TENM4: variants seen among roughly 807,000 people sequenced by gnomAD.
TENM4 encodes teneurin-4.
Under a neutral mutation model 243.3 loss-of-function variants are expected in TENM4, and 82 were observed. The ratio of observed to expected loss-of-function variants is 0.34; its 90% CI spans 0.28 to 0.40. The LOEUF is 0.40. Among genes scored for constraint, TENM4 ranks in the 10% least tolerant of loss-of-function variants. The probability of loss-of-function intolerance (pLI) is 1.00; values close to 1 mark genes in which losing one functional copy is unlikely to be tolerated. For synonymous variants in TENM4, 1,412 were observed against 1,456.3 expected (o/e 0.97, Z 0.69); for missense variants, 3,138 against 3,673.3 (o/e 0.85, Z 3.77).
rs1016708053 is a variant in TENM4, at chr11:78,891,279, G to C, written c.807C>G (p.Asp269Glu). Reference sequence around the variant, plus strand: ...CATCATGGCGGGAGGCGCCGAGAATGTCCATCTCAATGAGGTTGTCCTGCA... The same window carrying C: ...CATCATGGCGGGAGGCGCCGAGAATCTCCATCTCAATGAGGTTGTCCTGCA... ...GTLQDNLIEMDILGASRHDGA... is the reference protein window; with the variant it reads ...GTLQDNLIEMEILGASRHDGA... The change falls in exon 8 of 34, where the codon GAC (aspartate) becomes GAG (glutamate). Residue 269 changes from aspartate (D) to glutamate (E), a missense_variant. Physicochemically the swap from Asp to Glu is conservative, Grantham distance 45. Coordinates refer to ENST00000278550, the MANE Select transcript of TENM4 (RefSeq NM_001098816.3). The C allele has an allele frequency of 3.2e-6, 5 of 1,551,728 alleles. No homozygotes were observed. The Admixed American group carries it at 9.8e-5, about 30-fold the overall frequency.
At position 78,787,071 on chromosome 11, in the gene TENM4, G is replaced by A; in HGVS notation, c.2192C>T (p.Ala731Val). Residue 731 changes from alanine (A) to valine (V), a missense_variant, in exon 16 of 34, where the codon GCC becomes GTC. Ala to Val is a moderately conservative substitution (Grantham distance 64, BLOSUM62 0). Around this residue, in one of 2 missense-constraint regions of TENM4, gnomAD observed 2,467 missense variants for 3,059.1 expected, o/e 0.81. Transcript: ENST00000278550. ...GCACACGCCATGGCCACCACAGTCG[G>A]CAGCACAGATCTCTGTGGGGAGGAG... is the stretch of plus-strand genomic sequence containing the variant. ...GHDCSIEICA[A>V]DCGGHGVCVG... 6.5e-7 allele frequency: 1 copy of A among 1,546,936 alleles called. No homozygotes were observed. Among genetic ancestry groups the A allele is most frequent in the Non-Finnish European group, 8.7e-7 (1 of 1,144,214 alleles).
intron 3 of TENM4, among the ~76,000 whole-genome samples, chr11:79,199,117 A>G (rs1215312360): frequency 6.6e-6 from 1 of 152,244 alleles, no homozygotes; most frequent in African/African-American, 2.4e-5. Flanking sequence ...TCATTATACA[A>G]ATACTCGTGG....
intron 3 of TENM4, among the ~76,000 whole-genome samples, chr11:79,174,800 TCTC>T (rs1863125197): frequency 6.6e-6 from 1 of 152,200 alleles, no homozygotes; most frequent in East Asian, 1.9e-4. Flanking sequence ...TGCAGGAACT[TCTC>T]CTTCACCTTG....
intron 22 of TENM4, among the ~76,000 whole-genome samples, chr11:78,727,316 G>T (rs576382896): frequency 4.0e-5 from 6 of 151,888 alleles, no homozygotes; most frequent in Non-Finnish European, 8.8e-5. Context: ...GTGTGGTGGT[G>T]GGCGCCTGTA....
chr11:78,661,648 C>G, intron 32 of TENM4, 57 bp from the exon 33 acceptor site: 1 of 1,586,716 alleles, frequency 6.3e-7, no homozygotes, highest in African/African-American at 1.3e-5. Flanking sequence ...CATTTGCAAC[C>G]CATCCCCATC....
At chr11:79,044,143 A>G (rs562988599) in intron 6 of TENM4, among the ~76,000 whole-genome samples, 3 of 152,194 alleles carry the variant, frequency 2.0e-5, no homozygotes, top group Non-Finnish European at 4.4e-5. Context: ...GACCAAATAT[A>G]TGTTTACATG....
intron 18 of TENM4, among the ~76,000 whole-genome samples, chr11:78,764,340 G>A (rs1297112750): frequency 6.6e-6 from 1 of 152,112 alleles, no homozygotes; most frequent in Admixed American, 6.6e-5. Flanking sequence ...TCTGTACATC[G>A]AGCTGTTAGG....
At chr11:78,685,988 C>T (rs920769985) in intron 29 of TENM4, among the ~76,000 whole-genome samples, 1 of 152,176 alleles carries the variant, frequency 6.6e-6, no homozygotes, top group Non-Finnish European at 1.5e-5. Context: ...AGAAGCAGGC[C>T]TTAGGAAACA....
chr11:78,931,231 G>C lies in TENM4; in HGVS notation c.494-27708C>G, dbSNP rs1565131455. On this transcript the variant is annotated intron_variant, in intron 6 of 33. Transcript: ENST00000278550. The stretch of plus-strand genomic sequence containing the variant: ...CACGATTTCCCCATGTGCCTTGCAA[G>C]GTTTCTCTCTATCTCTCTTTCTTTA... 2.6e-5 allele frequency among the ~76,000 whole-genome samples: 4 copies of C among 152,222 alleles called. No individual in the cohort carries two copies. The South Asian group carries it at 8.3e-4, about 32-fold the overall frequency.
At chr11:78,929,809 CT>C (rs1160624771) in intron 6 of TENM4, among the ~76,000 whole-genome samples, 2 of 152,072 alleles carry the variant, frequency 1.3e-5, no homozygotes, top group African/African-American at 4.8e-5. Context: ...CAAAATGTGC[CT>C]TTTTTAGCCA....
At chr11:79,422,589 A>G (rs1342645673) in intron 1 of TENM4, among the ~76,000 whole-genome samples, 1 of 152,084 alleles carries the variant, frequency 6.6e-6, no homozygotes, top group Non-Finnish European at 1.5e-5. Context: ...AACTCCCTCC[A>G]CCCCAAGAGA....
intron 1 of TENM4, among the ~76,000 whole-genome samples, chr11:79,320,447 A>T (rs950526934): frequency 3.3e-5 from 5 of 152,156 alleles, no homozygotes; most frequent in African/African-American, 9.7e-5. Context: ...GACGTTGTAA[A>T]TTTTTTACAT....
At chr11:79,006,503 A>T (rs1056757050) in intron 6 of TENM4, among the ~76,000 whole-genome samples, 1 of 152,326 alleles carries the variant, frequency 6.6e-6, no homozygotes, top group Middle Eastern at 3.4e-3. Context: ...GCATTTTAAT[A>T]TCTGATTCCT....
At chr11:78,949,132 C>T (rs1278890288) in intron 6 of TENM4, among the ~76,000 whole-genome samples, 1 of 152,218 alleles carries the variant, frequency 6.6e-6, no homozygotes, top group Admixed American at 6.5e-5. Context: ...GCCAGCTCCC[C>T]TCCCATCTAT....
chr11:78,868,235 CTA>C lies in TENM4; in HGVS notation c.1085-5105_1085-5104del, dbSNP rs570743128. Among the ~76,000 whole-genome samples the C allele has an allele frequency of 8.0e-4, 122 of 152,286 alleles. 1 individual carries two copies. The highest frequency in any genetic ancestry group is 2.7e-3 in the African/African-American group (113 of 41,554). On this transcript the variant is annotated intron_variant, in intron 9 of 33. Coordinates refer to ENST00000278550, the MANE Select transcript of TENM4 (RefSeq NM_001098816.3). Reference sequence around the variant, plus strand: ...CATCTGTGTTACGTCACAGGATTCTCTATATGATACTCTGCAGTGTGTATTTA... The same window carrying C: ...CATCTGTGTTACGTCACAGGATTCTCTATGATACTCTGCAGTGTGTATTTA...
In TENM4 at chr11:78,976,667, C is replaced by T. The variant is rs117828656; in HGVS notation, c.494-73144G>A. ...TGTCACTCCAAGAAATCTTGAAAAT[C>T]GAGGAAGGCAGCTGGGGGAGAGTGG... On this transcript the variant is annotated intron_variant, in intron 6 of 33. Coordinates refer to ENST00000278550, the MANE Select transcript of TENM4 (RefSeq NM_001098816.3). Among the ~76,000 whole-genome samples, 24 of 152,192 alleles carry T rather than the reference C, an allele frequency of 1.6e-4. No individual in the cohort carries two copies. In the East Asian group the frequency reaches 2.7e-3, roughly 17 times the overall value.
chr11:79,280,807 C>T (rs1363104941), intron 2 of TENM4, among the ~76,000 whole-genome samples: 1 of 152,212 alleles, frequency 6.6e-6, no homozygotes, highest in Non-Finnish European at 1.5e-5. Context: ...AAATCTGGGA[C>T]AGCCAGGCTG....
At chr11:79,111,362 G>A (rs1346355979) in intron 4 of TENM4, among the ~76,000 whole-genome samples, 1 of 152,100 alleles carries the variant, frequency 6.6e-6, no homozygotes, top group South Asian at 2.1e-4. Context: ...TGGCTAACAC[G>A]GTGAAACCGC....
intron 7 of TENM4, among the ~76,000 whole-genome samples, chr11:78,902,623 T>C (rs1855956156): frequency 6.6e-6 from 1 of 152,222 alleles, no homozygotes; most frequent in African/African-American, 2.4e-5. Context: ...ATGGGGATTA[T>C]CATCCTAATA....
Sources: gnomAD v4.1 joint callset for allele counts (sites outside exome capture counted in the v4.1 genomes callset) on GRCh38, gnomAD v4.1.1 for gene constraint, gnomAD v4.1.1 regional missense constraint, MANE v1.5 for transcripts, NCBI Gene and HGNC (gene_info 2026-07-23, HGNC 2026-07-21) for gene names.